Variants in MYO18B observed in about 807,000 individuals in gnomAD.
MYO18B encodes myosin XVIIIB.
In MYO18B, 204 loss-of-function variants were observed where a neutral mutation model predicts 273.0. The observed-to-expected ratio is 0.75, with a 90% CI of 0.67 to 0.84. The LOEUF (loss-of-function observed/expected upper bound fraction) is 0.84. Among genes scored for constraint, MYO18B ranks in the 40% least tolerant of loss-of-function variants. The pLI, the probability that MYO18B is intolerant of heterozygous loss-of-function variation, is 0.00. For missense variants in MYO18B, 3,212 were observed against 3,287.6 expected (o/e 0.98, Z 0.56); for synonymous variants, 1,330 against 1,305.7 (o/e 1.02, Z -0.40).
rs751761773 is a variant in MYO18B at position 25,847,435 on chromosome 22, G to T, written c.3558G>T (p.Ala1186=). 5.7e-6 allele frequency: 9 copies of T among 1,566,448 alleles called. No homozygotes were observed. Among genetic ancestry groups the T allele is most frequent in the Non-Finnish European group, 6.1e-6 (7 of 1,155,194 alleles). Residue 1186 remains alanine (A), a synonymous_variant, in exon 20 of 44, where the codon GCG becomes GCT. Transcript: ENST00000335473. The stretch of plus-strand genomic sequence containing the variant: ...CCTCCCTCTATTTGGTCTAGGATGC[G>T]CTGACCAGCATGATCAAAAGGTCCC... ...PCSQIKLQMD[A]LTSMIKRSRL...
chr22:26,000,023 G>A (rs1933799197), intron 40 of MYO18B, among the ~76,000 whole-genome samples: 1 of 152,150 alleles, frequency 6.6e-6, no homozygotes. Flanking sequence ...AGGAGATGAG[G>A]GTCCCAGACA....
At chr22:25,872,572 A>G (rs2091077145) in intron 22 of MYO18B, among the ~76,000 whole-genome samples, 1 of 152,226 alleles carries the variant, frequency 6.6e-6, no homozygotes. Flanking sequence ...TGTTCATGCT[A>G]TTCAGTGATA....
intron 1 of MYO18B, among the ~76,000 whole-genome samples, chr22:25,759,121 T>C (rs2086220269): frequency 6.6e-6 from 1 of 152,120 alleles, no homozygotes; most frequent in South Asian, 2.1e-4. Context: ...TTATTAAAAA[T>C]CAAGTTGAAA....
In MYO18B at chr22:25,772,411, G is replaced by A. The variant is rs745971777; in HGVS notation, c.1770G>A (p.Thr590=). ...TCAACGAATCCAGTGTCCTGAACAC[G>A]CTTCTGCAGCGCTACAAAGCTCAGC... is the stretch of plus-strand genomic sequence containing the variant. The part of the protein sequence containing the change: ...ISVNESSVLN[T]LLQRYKAQLL... The change falls in exon 7 of 44, where the codon ACG becomes ACA. Residue 590 remains threonine, a synonymous_variant. Coordinates refer to ENST00000335473, the MANE Select transcript of MYO18B (RefSeq NM_032608.7). 108 of 1,613,894 alleles carry A rather than the reference G, an allele frequency of 6.7e-5. No homozygotes were observed. Among genetic ancestry groups the A allele is most frequent in the Non-Finnish European group, 8.9e-5 (105 of 1,179,904 alleles).
At chr22:25,856,476 C>T (rs893906242) in intron 21 of MYO18B, among the ~76,000 whole-genome samples, 1 of 152,212 alleles carries the variant, frequency 6.6e-6, no homozygotes, top group Admixed American at 6.5e-5. Context: ...GTGCTAGGCA[C>T]CAGCAACTTC....
At chr22:25,821,493 A>T (rs1300534544) in intron 12 of MYO18B, among the ~76,000 whole-genome samples, 2 of 152,140 alleles carry the variant, frequency 1.3e-5, no homozygotes, top group Non-Finnish European at 2.9e-5. Flanking sequence ...GAAGTCATTT[A>T]TTGGCCGGGA....
rs771682953 is a variant in MYO18B at position 25,828,852 on chromosome 22, C to G, written c.2863C>G (p.Gln955Glu). The G allele has an allele frequency of 6.2e-7, 1 of 1,613,986 alleles. No individual in the cohort carries two copies. ...DSPGFQNPRH[Q>E]GKDRAATFEE... ...TCCAGGCTTCCAGAACCCCCGGCAC[C>G]AGGGCAAGGACCGGGCGGCCACCTT... The change falls in exon 15 of 44, where the codon CAG becomes GAG. Residue 955 changes from glutamine (Q) to glutamate (E), a missense_variant. Gln to Glu is a conservative substitution (Grantham distance 29). Coordinates refer to ENST00000335473, the MANE Select transcript of MYO18B (RefSeq NM_032608.7).
chr22:25,898,398 A>T lies in MYO18B; in HGVS notation c.4760A>T (p.Asp1587Val), dbSNP rs998358549. Residue 1587 changes from aspartate to valine, a missense_variant, in exon 29 of 44, where the codon GAT becomes GTT. Transcript: ENST00000335473. ...CACCATCTTACCTGTGACCTTGAGG[A>T]TACCTGCGTCCTGCTAGAGAACCAA... ...KCHHLTCDLE[D>V]TCVLLENQQS... 9.9e-6 allele frequency: 16 copies of T among 1,613,828 alleles called. No individual in the cohort carries two copies. The highest frequency in any genetic ancestry group is 2.7e-5 in the African/African-American group (2 of 74,906).
In MYO18B at chr22:25,879,413, C is replaced by T. The variant is rs144735267; in HGVS notation, c.4314+1365C>T. Among the ~76,000 whole-genome samples the T allele has an allele frequency of 5.3e-5, 8 of 152,314 alleles. No homozygotes were observed. In the East Asian group the frequency reaches 9.6e-4, roughly 18 times the overall value. On this transcript the variant is annotated intron_variant, in intron 25 of 43. Coordinates refer to ENST00000335473, the MANE Select transcript of MYO18B (RefSeq NM_032608.7). Reference sequence around the variant, plus strand: ...TTGATTAGGGGTATATCCTTGTATACTTATGGTGTCATTATATTTATGGGA... The same window carrying T: ...TTGATTAGGGGTATATCCTTGTATATTTATGGTGTCATTATATTTATGGGA...
At chr22:25,973,635 G>A (rs2093058663) in intron 39 of MYO18B, among the ~76,000 whole-genome samples, 1 of 152,160 alleles carries the variant, frequency 6.6e-6, no homozygotes, top group South Asian at 2.1e-4. Flanking sequence ...CAGATCCTCG[G>A]TCACACCAGC....
chr22:25,919,167 C>T (rs1294673947), intron 33 of MYO18B, among the ~76,000 whole-genome samples: 4 of 152,184 alleles, frequency 2.6e-5, no homozygotes, highest in Non-Finnish European at 5.9e-5. Context: ...TCCTCCACCT[C>T]CCCTAGCTAG....
intron 36 of MYO18B, among the ~76,000 whole-genome samples, chr22:25,948,812 G>T (rs1190926196): frequency 6.6e-6 from 1 of 152,022 alleles, no homozygotes; most frequent in African/African-American, 2.4e-5. Context: ...GAAAGGAAGT[G>T]TACACAATTC....
intron 12 of MYO18B, among the ~76,000 whole-genome samples, chr22:25,808,098 C>T (rs1039063718): frequency 1.3e-5 from 2 of 152,102 alleles, no homozygotes; most frequent in African/African-American, 4.8e-5. Flanking sequence ...CCAGTGCCCC[C>T]GACCATTCTC....
At chr22:25,963,384 G>C (rs1023954858) in intron 39 of MYO18B, among the ~76,000 whole-genome samples, 1 of 151,532 alleles carries the variant, frequency 6.6e-6, no homozygotes, top group African/African-American at 2.4e-5. Flanking sequence ...AGGCTCTAGG[G>C]GAGAATCCTT....
At chr22:25,782,739 G>C (rs1003408015) in intron 10 of MYO18B, among the ~76,000 whole-genome samples, 10 of 152,148 alleles carry the variant, frequency 6.6e-5, no homozygotes, top group Admixed American at 2.6e-4. Context: ...AACCTGTCTG[G>C]AGTGTCCTGG....
chr22:25,946,309 G>A, intron 35 of MYO18B, 59 bp downstream of exon 35: 3 of 1,238,560 alleles, frequency 2.4e-6, no homozygotes, highest in Non-Finnish European at 3.4e-6. Flanking sequence ...CTGGGAGCTA[G>A]TGTGGGCCTA....
At chr22:25,794,593 C>T (rs2087825341) in intron 11 of MYO18B, among the ~76,000 whole-genome samples, 1 of 152,024 alleles carries the variant, frequency 6.6e-6, no homozygotes, top group African/African-American at 2.4e-5. Flanking sequence ...CAAGCTCTGC[C>T]TCCCAGGTTC....
At chr22:25,996,427 T>C (rs572361072) in intron 40 of MYO18B, among the ~76,000 whole-genome samples, 1 of 152,324 alleles carries the variant, frequency 6.6e-6, no homozygotes, top group Admixed American at 6.5e-5. Flanking sequence ...GTTGAGTAAC[T>C]TGCCTGAAGT....
chr22:25,974,047 C>A (rs2146751051), intron 39 of MYO18B, among the ~76,000 whole-genome samples: 1 of 152,316 alleles, frequency 6.6e-6, no homozygotes, highest in Admixed American at 6.5e-5. Flanking sequence ...GTATTTCATC[C>A]ATTTTTTCCA....
Sources: allele counts gnomAD v4.1 joint callset (sites outside exome capture counted in the v4.1 genomes callset), GRCh38; gene constraint gnomAD v4.1.1; transcripts MANE v1.5; gene names NCBI Gene and HGNC (gene_info 2026-07-23, HGNC 2026-07-21).